The following SMOC1 variants were observed in gnomAD, a reference collection of about 807,000 sequenced individuals.
SMOC1 encodes SPARC-related modular calcium-binding protein 1.
Under a neutral mutation model 56.3 loss-of-function variants are expected in SMOC1, and 22 were observed. That is an observed-to-expected ratio of 0.39 (90% CI 0.28 to 0.56). The LOEUF (loss-of-function observed/expected upper bound fraction) is 0.56, where lower values mean the gene tolerates loss of function less well. SMOC1 is among the 20% of genes least tolerant of loss of function. The pLI, the probability that SMOC1 is intolerant of heterozygous loss-of-function variation, is 0.61. For missense variants in SMOC1, 509 were observed against 565.4 expected (o/e 0.90, Z 1.01); for synonymous variants, 193 against 215.0 (o/e 0.90, Z 0.89).
chr14:69,958,736 G>C (rs1474073587), intron 3 of SMOC1, among the ~76,000 whole-genome samples: 1 of 152,126 alleles, frequency 6.6e-6, no homozygotes, highest in East Asian at 1.9e-4. Flanking sequence ...AAACTATTTA[G>C]CCACAAGGAT....
intron 1 of SMOC1, among the ~76,000 whole-genome samples, chr14:69,893,666 A>G (rs1884021142): frequency 6.6e-6 from 1 of 152,230 alleles, no homozygotes. Context: ...CAAGAAACAG[A>G]TAATGCATTT....
chr14:69,978,186 A>AT (rs1283446670), intron 5 of SMOC1: 2 of 601,782 alleles, frequency 3.3e-6, no homozygotes, highest in Non-Finnish European at 6.0e-6. Flanking sequence ...GAGGTGACTG[A>AT]GTATAGAGCC....
At chr14:70,002,816 A>G (rs1269417305) in intron 7 of SMOC1, among the ~76,000 whole-genome samples, 1 of 152,230 alleles carries the variant, frequency 6.6e-6, no homozygotes, top group East Asian at 1.9e-4. Flanking sequence ...CTGTGGCTAA[A>G]TAAACAGCAA....
intron 1 of SMOC1, among the ~76,000 whole-genome samples, chr14:69,924,258 A>C (rs1594804256): frequency 6.6e-6 from 1 of 151,926 alleles, no homozygotes; most frequent in Admixed American, 6.6e-5. Flanking sequence ...TGTTGACCTC[A>C]CCTCCCAAAT....
At chr14:70,023,804 GGTGT>G (rs907748752) in intron 11 of SMOC1, among the ~76,000 whole-genome samples, 7 of 149,374 alleles carry the variant, frequency 4.7e-5, no homozygotes, top group Non-Finnish European at 7.4e-5. Context: ...CAGGTTGTAG[GGTGT>G]GTGTGTGTGT....
intron 1 of SMOC1, among the ~76,000 whole-genome samples, chr14:69,884,186 G>A (rs751224251): frequency 1.4e-4 from 21 of 152,142 alleles, no homozygotes; most frequent in Non-Finnish European, 2.5e-4. Context: ...GACTACAGGC[G>A]TGAGCCACCG....
intron 9 of SMOC1, 73 bp downstream of exon 9, chr14:70,011,640 G>T (rs576828202): frequency 2.1e-5 from 29 of 1,388,114 alleles, no homozygotes; most frequent in Non-Finnish European, 2.9e-5. Context: ...TGCAGAAGAA[G>T]CTGTCTCCTC....
intron 3 of SMOC1, among the ~76,000 whole-genome samples, chr14:69,975,300 G>T (rs951595347): frequency 9.2e-5 from 14 of 152,140 alleles, no homozygotes; most frequent in African/African-American, 3.4e-4. Flanking sequence ...CTGAGATCAT[G>T]CCACTGCACT....
At chr14:69,998,267 C>A (rs1282726985) in intron 7 of SMOC1, among the ~76,000 whole-genome samples, 2 of 152,130 alleles carry the variant, frequency 1.3e-5, no homozygotes, top group Non-Finnish European at 2.9e-5. Context: ...TGAACCTCTC[C>A]TCCATTGCAT....
At chr14:69,943,362 G>T (rs1335648392) in intron 1 of SMOC1, among the ~76,000 whole-genome samples, 1 of 152,198 alleles carries the variant, frequency 6.6e-6, no homozygotes, top group Non-Finnish European at 1.5e-5. Flanking sequence ...GCCCTTCTTT[G>T]CACCTGTGTA....
intron 11 of SMOC1, among the ~76,000 whole-genome samples, chr14:70,027,051 C>A (rs1052686951): frequency 2.6e-4 from 39 of 152,132 alleles, no homozygotes; most frequent in Admixed American, 6.5e-5. Flanking sequence ...AAAGCCTATG[C>A]AGAGGCAGAA....
chr14:70,002,639 G>A (rs375980149), intron 7 of SMOC1, among the ~76,000 whole-genome samples: 302 of 152,340 alleles, frequency 2.0e-3, no homozygotes, highest in African/African-American at 6.9e-3. Context: ...AGTGGTGTGC[G>A]TGATGGAAAG....
At chr14:69,941,011 G>A (rs548611631) in intron 1 of SMOC1, among the ~76,000 whole-genome samples, 37 of 152,238 alleles carry the variant, frequency 2.4e-4, no homozygotes, top group Admixed American at 1.3e-3. Context: ...ATGCCCTGTC[G>A]GTGATCAAGG....
chr14:70,001,274 T>A (rs1884960335), intron 7 of SMOC1, among the ~76,000 whole-genome samples: 1 of 152,088 alleles, frequency 6.6e-6, no homozygotes, highest in South Asian at 2.1e-4. Flanking sequence ...AAGGGCCTTG[T>A]CCAAGGTCAT....
At chr14:69,953,712 C>T (rs1261771050) in intron 3 of SMOC1, among the ~76,000 whole-genome samples, 180 bp downstream of exon 3, 1 of 152,246 alleles carries the variant, frequency 6.6e-6, no homozygotes, top group East Asian at 1.9e-4. Flanking sequence ...TCCATGCCAC[C>T]TCTTGCCAAC....
chr14:69,887,338 G>A (rs1883837173), intron 1 of SMOC1, among the ~76,000 whole-genome samples: 1 of 152,196 alleles, frequency 6.6e-6, no homozygotes, highest in Non-Finnish European at 1.5e-5. Flanking sequence ...GATTCAGGGT[G>A]AAGTTAGGGT....
At chr14:69,944,370 A>G (rs905076099) in intron 1 of SMOC1, among the ~76,000 whole-genome samples, 2 of 152,132 alleles carry the variant, frequency 1.3e-5, no homozygotes, top group African/African-American at 4.8e-5. Flanking sequence ...CACAGTCCAG[A>G]GGTAGGAAGG....
chr14:70,003,101 A>C (rs1490926637), intron 7 of SMOC1, among the ~76,000 whole-genome samples: 1 of 152,160 alleles, frequency 6.6e-6, no homozygotes, highest in Non-Finnish European at 1.5e-5. Flanking sequence ...ATGCCTCTGG[A>C]ATTTCATGTT....
chr14:69,937,145 T>C (rs77924103), intron 1 of SMOC1, among the ~76,000 whole-genome samples: 3,429 of 152,180 alleles, frequency 0.023, 102 homozygotes, highest in African/African-American at 0.071. Context: ...AGGCTTTGCT[T>C]GGTGTGCCCT....
Sources: gnomAD v4.1 joint callset for allele counts (sites outside exome capture counted in the v4.1 genomes callset) on GRCh38, gnomAD v4.1.1 for gene constraint, MANE v1.5 for transcripts, NCBI Gene and HGNC (gene_info 2026-07-23, HGNC 2026-07-21) for gene names.